The following PPHLN1 variants were observed in gnomAD, a reference collection of about 807,000 sequenced individuals.
PPHLN1 encodes periphilin-1.
PPHLN1 carries 29 observed loss-of-function variants against 51.3 expected under a neutral mutation model. That is an observed-to-expected ratio of 0.57 (90% confidence interval 0.42 to 0.77). The LOEUF is 0.77. Among genes scored for constraint, PPHLN1 ranks in the 30% least tolerant of loss-of-function variants. The pLI, the probability that PPHLN1 is intolerant of heterozygous loss-of-function variation, is 0.00. For synonymous variants in PPHLN1, 147 were observed against 147.8 expected (o/e 0.99, Z 0.04); for missense variants, 436 against 438.4 (o/e 0.99, Z 0.05).
downstream of PPHLN1, chr12:42,442,696 T>C (rs2083061972): frequency 6.2e-7 from 1 of 1,614,052 alleles, no homozygotes; most frequent in Admixed American, 1.7e-5. Flanking sequence ...CTGAAATGGA[T>C]CACGACGGAA....
At chr12:42,423,746 C>G (rs1053063120) in intron 9 of PPHLN1, among the ~76,000 whole-genome samples, 5 of 151,640 alleles carry the variant, frequency 3.3e-5, no homozygotes, top group Non-Finnish European at 7.4e-5. Flanking sequence ...GGCATGATCT[C>G]AACTCACTGC....
chr12:42,400,757 GTCTCTCTCTC>G (rs35916281), intron 9 of PPHLN1, among the ~76,000 whole-genome samples: 1 of 140,590 alleles, frequency 7.1e-6, no homozygotes, highest in Non-Finnish European at 1.5e-5. Context: ...GCGAGACCCT[GTCTCTCTCTC>G]TCTCTCTTTC....
At chr12:42,357,953 T>C (rs535059288) in intron 4 of PPHLN1, among the ~76,000 whole-genome samples, 1 of 152,328 alleles carries the variant, frequency 6.6e-6, no homozygotes, top group African/African-American at 2.4e-5. Flanking sequence ...CTTCCACTTA[T>C]TAGTGAGAAG....
intron 8 of PPHLN1, among the ~76,000 whole-genome samples, chr12:42,397,681 T>G (rs771019334): frequency 6.6e-6 from 1 of 152,206 alleles, no homozygotes; most frequent in Non-Finnish European, 1.5e-5. Context: ...ATGATTTTTA[T>G]GCTTTTGGTA....
At chr12:42,415,161 AT>A (rs1291165504) in intron 9 of PPHLN1, among the ~76,000 whole-genome samples, 2 of 151,992 alleles carry the variant, frequency 1.3e-5, no homozygotes, top group African/African-American at 4.8e-5. Flanking sequence ...TGTCATTTTT[AT>A]TTTTGTTTTT....
In PPHLN1 at chr12:42,442,114, G is replaced by T; in HGVS notation, c.*605G>T. 3.4e-6 allele frequency: 1 copy of T among 295,792 alleles called. No individual in the cohort carries two copies. Among genetic ancestry groups the T allele is most frequent in the Non-Finnish European group, 5.0e-6 (1 of 199,680 alleles). The allele number at this position is 295,792 out of a possible 1,614,324, so 18.3% of individuals were successfully genotyped here. A position where few individuals can be genotyped will look rare whatever the true frequency, so the allele number is the denominator to read the frequency against. ...ACTCCTGACTCTCTCACTGATGTAT[G>T]AGTCTTAAATAATATCATATACAAG... On this transcript the variant is annotated 3_prime_UTR_variant, in exon 10 of 10. Transcript: ENST00000358314.
At chr12:42,370,680 TTCCTTCCCATCTTCCC>T (rs1397155250) in intron 4 of PPHLN1, among the ~76,000 whole-genome samples, 1 of 152,206 alleles carries the variant, frequency 6.6e-6, no homozygotes, top group African/African-American at 2.4e-5. Context: ...CAAAATACCA[TTCCTTCCCATCTTCCC>T]TCCTTCAGCC....
chr12:42,356,167 CCA>C (rs1320752300), intron 4 of PPHLN1, among the ~76,000 whole-genome samples: 2 of 152,108 alleles, frequency 1.3e-5, no homozygotes, highest in Non-Finnish European at 2.9e-5. Flanking sequence ...GAAAATAACC[CCA>C]GTCTCATAGA....
At chr12:42,336,554 T>C (rs1214186923) in intron 2 of PPHLN1, among the ~76,000 whole-genome samples, 3 of 152,208 alleles carry the variant, frequency 2.0e-5, no homozygotes, top group Non-Finnish European at 4.4e-5. Context: ...ACTTCTTGTC[T>C]CTCGTTGCTC....
At chr12:42,408,299 A>G (rs551754562) in intron 9 of PPHLN1, among the ~76,000 whole-genome samples, 1 of 152,082 alleles carries the variant, frequency 6.6e-6, no homozygotes, top group African/African-American at 2.4e-5. Context: ...ACTTGAGGTC[A>G]GGAGTTTGAG....
intron 1 of PPHLN1, chr12:42,332,745 C>G (rs770548260): frequency 4.1e-6 from 5 of 1,218,622 alleles, no homozygotes; most frequent in Non-Finnish European, 5.8e-6. Flanking sequence ...GTTATTGTTA[C>G]ATTTTTTGTG....
chr12:42,406,720 T>G (rs1274356564), intron 9 of PPHLN1, among the ~76,000 whole-genome samples: 2 of 152,202 alleles, frequency 1.3e-5, no homozygotes, highest in Non-Finnish European at 2.9e-5. Context: ...GTGGCATTCT[T>G]TTGATATCTT....
rs142976578 is a variant in PPHLN1, at chr12:42,401,881, G to T, written c.909+2887G>T. On this transcript the variant is annotated intron_variant, in intron 9 of 9. Transcript: ENST00000358314. ...TTATTTGTTTGTTTTTTGAGACAGG[G>T]TCTTACTCTGTCGCCCATGCTGGAG... 4.6e-3 allele frequency among the ~76,000 whole-genome samples: 702 copies of T among 152,044 alleles called. 2 individuals are homozygous for T. The highest frequency in any genetic ancestry group is 0.016 in the African/African-American group (671 of 41,438).
At chr12:42,332,729 A>G (rs1407916106) in intron 1 of PPHLN1, 1 of 1,339,510 alleles carries the variant, frequency 7.5e-7, no homozygotes, top group Non-Finnish European at 1.0e-6. Flanking sequence ...AGTATTTAAT[A>G]TAGTAGTTAT....
chr12:42,434,924 C>G (rs1194535817), intron 9 of PPHLN1, among the ~76,000 whole-genome samples: 1 of 152,196 alleles, frequency 6.6e-6, no homozygotes, highest in Non-Finnish European at 1.5e-5. Flanking sequence ...GAACCCTGAC[C>G]TCAGGCAATC....
Position 42,436,771 on chromosome 12 carries a change from G to A in PPHLN1, c.910-4544G>A, listed in dbSNP as rs114720243. ...ATATAAAGATTGAATATGGGACAAA[G>A]GGAGGATTTATGTCTTGGGCAGGAT... On this transcript the variant is annotated intron_variant, in intron 9 of 9. Transcript: ENST00000358314. Among the ~76,000 whole-genome samples, 547 of 152,262 alleles carry A rather than the reference G, an allele frequency of 3.6e-3. 3 individuals are homozygous for A. Among genetic ancestry groups the A allele is most frequent in the African/African-American group, 0.013 (531 of 41,566 alleles).
At chr12:42,426,229 C>CG (rs1491123459) in intron 9 of PPHLN1, among the ~76,000 whole-genome samples, 1 of 137,982 alleles carries the variant, frequency 7.2e-6, no homozygotes, top group African/African-American at 2.7e-5. Flanking sequence ...CACACACACA[C>CG]CCTCATGCAT....
chr12:42,417,068 A>T (rs1388075407), intron 9 of PPHLN1, among the ~76,000 whole-genome samples: 4 of 152,208 alleles, frequency 2.6e-5, no homozygotes, highest in African/African-American at 9.7e-5. Context: ...GGGAGGGATA[A>T]TGAGAGCCTA....
In PPHLN1 at chr12:42,335,872, T is replaced by C; in HGVS notation, c.-20-11T>C. 1 of 1,488,400 alleles carries C rather than the reference T, an allele frequency of 6.7e-7. No homozygotes were observed. The allele number at this position is 1,488,400 out of a possible 1,614,324, so 92.2% of individuals were successfully genotyped here. Reference sequence around the variant, plus strand: ...TAGTATAAAATCCATAATTCTTTTTTTTTTCTTTAGTGGCTTACAGAAGAG... The same window carrying C: ...TAGTATAAAATCCATAATTCTTTTTCTTTTCTTTAGTGGCTTACAGAAGAG... On this transcript the variant is annotated splice_polypyrimidine_tract_variant and intron_variant, in intron 1 of 9. Transcript: ENST00000358314.
Sources: gnomAD v4.1 joint callset for allele counts (sites outside exome capture counted in the v4.1 genomes callset) on GRCh38, gnomAD v4.1.1 for gene constraint, MANE v1.5 for transcripts, NCBI Gene and HGNC (gene_info 2026-07-23, HGNC 2026-07-21) for gene names.